The following XDH variants were observed in gnomAD, a reference collection of about 807,000 sequenced individuals.
The protein encoded by XDH is xanthine dehydrogenase, also known as xanthine dehydrogenase/oxidase.
XDH carries 138 observed loss-of-function variants against 156.1 expected under a neutral mutation model. The ratio of observed to expected loss-of-function variants is 0.88; its 90% CI spans 0.77 to 1.02. The LOEUF is 1.02. XDH is among the 50% of genes least tolerant of loss of function. The pLI is 0.00. For synonymous variants in XDH, 669 were observed against 625.7 expected, an observed-to-expected ratio of 1.07 and a Z score of -1.03; for missense variants, 1,849 against 1,684.9, an observed-to-expected ratio of 1.10 and a Z score of -1.71.
In XDH at chr2:31,377,111, C is replaced by A; in HGVS notation, c.1369G>T (p.Gly457Cys). The A allele has an allele frequency of 1.2e-6, 2 of 1,614,096 alleles. No homozygotes were observed. Among genetic ancestry groups the A allele is most frequent in the Non-Finnish European group, 1.7e-6 (2 of 1,180,020 alleles). The change falls in exon 14 of 36, where the codon GGT becomes TGT. Residue 457 changes from glycine to cysteine, a missense_variant. Coordinates refer to ENST00000379416, the MANE Select transcript of XDH (RefSeq NM_000379.4). ...GAGATGGTTCTGTTGGCCATTCCAC[C>A]ATAGCAAAGGGCCAGCTCCTGTACC... ...TEVQELALCYGGMANRTISAL... is the reference protein window; with the variant it reads ...TEVQELALCYCGMANRTISAL...
In XDH at chr2:31,350,157, G is replaced by T; in HGVS notation, c.2698C>A (p.Arg900=). Residue 900 remains arginine, a synonymous_variant, in exon 25 of 36, where the codon CGG becomes AGG. Coordinates refer to ENST00000379416, the MANE Select transcript of XDH (RefSeq NM_000379.4). ...GAGGGAAGGTTGGTTTTGCACAGCC[G>T]CCCAGTGCCCCGGATGTTGGGGATT... ...YKIPNIRGTG[R]LCKTNLPSNT... is the part of the protein sequence containing the mutation. 1.2e-6 allele frequency: 2 copies of T among 1,614,178 alleles called. No individual in the cohort carries two copies. Among genetic ancestry groups the T allele is most frequent in the Non-Finnish European group, 1.7e-6 (2 of 1,180,032 alleles).
At position 31,339,342 on chromosome 2, in the gene XDH, C is replaced by T. The variant is rs368836316; in HGVS notation, c.3774+147G>A. The T allele has an allele frequency of 6.2e-4, 697 of 1,117,420 alleles. 4 individuals carry two copies. In the African/African-American group the frequency reaches 9.7e-3, roughly 16 times the overall value. The allele number at this position is 1,117,420 out of a possible 1,614,324, so 69.2% of individuals were successfully genotyped here. ...GGACTGCCCAACTATCCCACTGCCC[C>T]TACCAAGGTCAGTGTCAAACCATCT... On this transcript the variant is annotated intron_variant, in intron 34 of 35. Coordinates refer to ENST00000379416, the MANE Select transcript of XDH (RefSeq NM_000379.4).
chr2:31,335,891 G>T lies in XDH; in HGVS notation c.*67C>A. 2 of 1,534,020 alleles carry T rather than the reference G, an allele frequency of 1.3e-6. No individual in the cohort carries two copies. The highest frequency in any genetic ancestry group is 1.8e-6 in the Non-Finnish European group (2 of 1,107,076). ...TGACTTTAATAGATCCATGTTCTGT[G>T]GTATGTTCCTCCTGCTCCATGGAAG... On this transcript the variant is annotated 3_prime_UTR_variant, in exon 36 of 36. Transcript: ENST00000379416.
At chr2:31,374,966 T>A (rs1686187219) in intron 15 of XDH, among the ~76,000 whole-genome samples, 1 of 151,152 alleles carries the variant, frequency 6.6e-6, no homozygotes, top group Non-Finnish European at 1.5e-5. Context: ...TACATACTCA[T>A]CACACTCTGC....
chr2:31,379,758 G>C (rs1271559997), intron 13 of XDH, 109 bp downstream of exon 13: 2 of 1,059,386 alleles, frequency 1.9e-6, no homozygotes, highest in African/African-American at 3.1e-5. Context: ...TCAATGTAAA[G>C]GTTGAGAGAT....
chr2:31,354,372 C>T (rs555379586), intron 24 of XDH, among the ~76,000 whole-genome samples: 107 of 152,290 alleles, frequency 7.0e-4, no homozygotes, highest in African/African-American at 2.5e-3. Context: ...TGAAAAATCA[C>T]TTGTCATACC....
chr2:31,345,386 A>G (rs543464427), intron 30 of XDH, among the ~76,000 whole-genome samples: 3 of 152,260 alleles, frequency 2.0e-5, no homozygotes, highest in South Asian at 2.1e-4. Flanking sequence ...TGATCAAACT[A>G]TCCCTCCATC....
chr2:31,389,675 T>G (rs1275163665), intron 6 of XDH: 1 of 152,112 alleles, frequency 6.6e-6, no homozygotes, highest in East Asian at 1.9e-4. Context: ...TTAGATCTAT[T>G]TTCTTGATAA....
chr2:31,347,899 T>C (rs1275176323), intron 28 of XDH, among the ~76,000 whole-genome samples: 1 of 152,214 alleles, frequency 6.6e-6, no homozygotes, highest in Admixed American at 6.5e-5. Flanking sequence ...TTTCAAAAGA[T>C]CCAATCTGGC....
rs536702980 is a variant in XDH at position 31,372,339 on chromosome 2, G to A, written c.1745C>T (p.Ala582Val). The A allele has an allele frequency of 8.7e-6, 14 of 1,614,164 alleles. No individual in the cohort carries two copies. The Admixed American group carries it at 1.3e-4, about 15-fold the overall frequency. Residue 582 changes from alanine to valine, a missense_variant, in exon 17 of 36, where the codon GCA (alanine) becomes GTA (valine). By Grantham distance (64) the Ala-to-Val change is moderately conservative (BLOSUM62 0). Transcript: ENST00000379416. ...DMVGRPLPHL[A>V]ADMQASGEAV... The stretch of plus-strand genomic sequence containing the variant: ...CTCACCAGAGGCCTGCATGTCCGCT[G>A]CCAGGTGGGGCAGGGGCCGGCCCAC...
At chr2:31,384,299 G>A in intron 9 of XDH, 1 of 181,374 alleles carries the variant, frequency 5.5e-6, no homozygotes, top group Non-Finnish European at 1.2e-5. Flanking sequence ...CTGAGGCACA[G>A]AAAAGTTAAG....
At chr2:31,365,252 T>C (rs1685878199) in intron 23 of XDH, among the ~76,000 whole-genome samples, 3 of 152,180 alleles carry the variant, frequency 2.0e-5, no homozygotes, top group South Asian at 2.1e-4. Flanking sequence ...AATGCCACCC[T>C]TGGGAGATGG....
chr2:31,348,877 C>A (rs769827120), intron 27 of XDH, 22 bp downstream of exon 27: 1 of 1,604,854 alleles, frequency 6.2e-7, no homozygotes, highest in Admixed American at 1.7e-5. Context: ...CGGAGATGGA[C>A]ACAATTCTAT....
intron 31 of XDH, among the ~76,000 whole-genome samples, chr2:31,343,127 T>C (rs933385373): frequency 1.4e-4 from 22 of 151,900 alleles, no homozygotes; most frequent in African/African-American, 5.1e-4. Context: ...ACCAATTCCT[T>C]TGACCTCTGC....
intron 12 of XDH, among the ~76,000 whole-genome samples, chr2:31,380,677 A>G (rs893101297): frequency 6.6e-6 from 1 of 152,204 alleles, no homozygotes; most frequent in African/African-American, 2.4e-5. Flanking sequence ...GTTCCTCCAG[A>G]CTTTGCTCCC....
chr2:31,395,740 T>C (rs989998533), intron 6 of XDH, among the ~76,000 whole-genome samples: 1 of 152,236 alleles, frequency 6.6e-6, no homozygotes, highest in African/African-American at 2.4e-5. Context: ...CCTGTCTGTC[T>C]CTCCAATTTT....
chr2:31,352,554 T>C lies in XDH; in HGVS notation c.2632-2331A>G, dbSNP rs139750654. On this transcript the variant is annotated intron_variant, in intron 24 of 35. Coordinates refer to ENST00000379416, the MANE Select transcript of XDH (RefSeq NM_000379.4). ...TTTATCATCTACTTCCCCTGCCATA[T>C]TGTGAATTTCTTGAGGGCAGAAACA... is the stretch of plus-strand genomic sequence containing the variant. Among the ~76,000 whole-genome samples the C allele has an allele frequency of 1.1e-3, 161 of 152,334 alleles. 4 individuals carry two copies. In the East Asian group the frequency reaches 0.029, roughly 27 times the overall value.
At chr2:31,358,413 C>G (rs915217513) in intron 24 of XDH, among the ~76,000 whole-genome samples, 3 of 152,098 alleles carry the variant, frequency 2.0e-5, no homozygotes. Flanking sequence ...TTTTATGAAG[C>G]TAGTGTTATC....
intron 35 of XDH, 36 bp downstream of exon 35, chr2:31,337,605 C>T (rs1684999199): frequency 1.2e-6 from 2 of 1,612,920 alleles, no homozygotes; most frequent in Non-Finnish European, 1.7e-6. Context: ...TCCCTGGCCT[C>T]CCCTGGACTG....
Sources: allele counts gnomAD v4.1 joint callset (sites outside exome capture counted in the v4.1 genomes callset), GRCh38; gene constraint gnomAD v4.1.1; transcripts MANE v1.5; gene names NCBI Gene and HGNC (gene_info 2026-07-23, HGNC 2026-07-21).